CAPN3: variants seen among roughly 807,000 people sequenced by gnomAD.
The protein encoded by CAPN3 is calpain-3.
CAPN3 carries 88 observed loss-of-function variants against 114.0 expected under a neutral mutation model. The observed-to-expected ratio is 0.77, with a 90% CI of 0.65 to 0.92. The LOEUF (loss-of-function observed/expected upper bound fraction) is 0.92, where lower values mean the gene tolerates loss of function less well. CAPN3 is among the 40% of genes least tolerant of loss of function. CAPN3 has a pLI of 0.00. For synonymous variants in CAPN3, 386 were observed against 382.9 expected (o/e 1.01, Z -0.09); for missense variants, 1,028 against 1,069.0 (o/e 0.96, Z 0.53).
chr15:42,408,273 A>G lies in CAPN3; in HGVS notation c.1863A>G (p.Ser621=), dbSNP rs1397788172. ...AGGAGCTGGGTGTGGACCAGGAGTC[A>G]GAGGAGGGCAAAGGCAAAACAAGCC... ...SNKELGVDQE[S]EEGKGKTSPD... Residue 621 remains serine, a synonymous_variant, in exon 16 of 24, where the codon TCA becomes TCG. Coordinates refer to ENST00000397163, the MANE Select transcript of CAPN3 (RefSeq NM_000070.3). 1 of 1,613,808 alleles carries G rather than the reference A, an allele frequency of 6.2e-7. No individual in the cohort carries two copies. The highest frequency in any genetic ancestry group is 8.5e-7 in the Non-Finnish European group (1 of 1,179,854).
intron 2 of CAPN3, chr15:42,385,726 CA>C: frequency 1.9e-6 from 1 of 521,374 alleles, no homozygotes; most frequent in East Asian, 5.4e-5. Context: ...CAATACAAAT[CA>C]TCTTGGTGGA....
chr15:42,389,223 G>A, intron 5 of CAPN3, 127 bp downstream of exon 5: 1 of 870,730 alleles, frequency 1.1e-6, no homozygotes, highest in Middle Eastern at 3.6e-4. Context: ...AGCAGGAACT[G>A]GCTCTCAACT....
intron 10 of CAPN3, 36 bp downstream of exon 10, chr15:42,399,688 C>T (rs752740189): frequency 5.2e-6 from 8 of 1,547,840 alleles, no homozygotes; most frequent in African/African-American, 4.1e-5. Context: ...GGGTCTAAGC[C>T]GAAAAAGTTC....
chr15:42,359,641 A>G lies in CAPN3; in HGVS notation c.-165A>G, dbSNP rs1566965749. On this transcript the variant is annotated 5_prime_UTR_variant, in exon 1 of 24. It adds an upstream start codon to the 5' untranslated region. Transcript: ENST00000397163. ...ACAGCTCGGTTTTTAAGATGGACATAACCTGTACGACCTTCTGATGGGCTT... is the reference window on the plus strand; with the variant it reads ...ACAGCTCGGTTTTTAAGATGGACATGACCTGTACGACCTTCTGATGGGCTT... 4.8e-6 allele frequency: 7 copies of G among 1,470,632 alleles called. No individual in the cohort carries two copies. The highest frequency in any genetic ancestry group is 5.4e-6 in the Non-Finnish European group (6 of 1,117,140). 91.1% of individuals were successfully genotyped at this position (1,470,632 alleles called of 1,614,324 possible).
chr15:42,391,422 T>A (rs998884496), intron 6 of CAPN3, among the ~76,000 whole-genome samples: 2 of 152,138 alleles, frequency 1.3e-5, no homozygotes, highest in Non-Finnish European at 2.9e-5. Context: ...TAAGGATTAA[T>A]GAGTCTCCCG....
chr15:42,398,608 CACACACACACACACACACACACACACAT>C (rs2141190703), intron 9 of CAPN3, among the ~76,000 whole-genome samples: 1 of 148,348 alleles, frequency 6.7e-6, no homozygotes, highest in East Asian at 2.0e-4. Context: ...CACACACACA[CACACACACACACACACACACACACACAT>C]ATATATACAC....
rs2054148514 is a variant in CAPN3 at position 42,409,800 on chromosome 15, G to A, written c.2006G>A (p.Cys669Tyr). 1.9e-6 allele frequency: 3 copies of A among 1,581,270 alleles called. No individual in the cohort carries two copies. Among genetic ancestry groups the A allele is most frequent in the East Asian group, 4.7e-5 (2 of 42,106 alleles). The change falls in exon 18 of 24, where the codon TGT (cysteine) becomes TAT (tyrosine). Residue 669 changes from cysteine to tyrosine, a missense_variant. Coordinates refer to ENST00000397163, the MANE Select transcript of CAPN3 (RefSeq NM_000070.3). ...CTTCCTCCTCAGGACATGGAGATCT[G>A]TGCAGATGAGCTCAAGAAGGTCCTT... is the stretch of plus-strand genomic sequence containing the variant. Reference protein sequence around the residue: ...KQIAGDDMEICADELKKVLNT... With the variant: ...KQIAGDDMEIYADELKKVLNT...
At chr15:42,384,172 G>T (rs1475752586) in intron 1 of CAPN3, among the ~76,000 whole-genome samples, 2 of 152,068 alleles carry the variant, frequency 1.3e-5, no homozygotes, top group African/African-American at 4.8e-5. Context: ...CCAGCACTTT[G>T]GGAGGCCGAG....
chr15:42,407,124 G>A (rs1435265548), intron 15 of CAPN3, among the ~76,000 whole-genome samples: 1 of 152,112 alleles, frequency 6.6e-6, no homozygotes, highest in Non-Finnish European at 1.5e-5. Flanking sequence ...CACAGTGTTG[G>A]CACCATGCAG....
chr15:42,384,154 C>A (rs1162984999), intron 1 of CAPN3, among the ~76,000 whole-genome samples: 1 of 152,128 alleles, frequency 6.6e-6, no homozygotes, highest in African/African-American at 2.4e-5. Flanking sequence ...TGGCTCACAT[C>A]TGTAATCCCA....
chr15:42,364,987 G>A (rs2052741833), intron 1 of CAPN3, among the ~76,000 whole-genome samples: 2 of 152,118 alleles, frequency 1.3e-5, no homozygotes, highest in Admixed American at 6.5e-5. Context: ...TTGGTAACAT[G>A]GGATCCCAGA....
chr15:42,396,952 A>G lies in CAPN3; in HGVS notation c.1193+75A>G, dbSNP rs1595831528. On this transcript the variant is annotated intron_variant, in intron 9 of 23. Transcript: ENST00000397163. ...GGGGAAATCTCAGACCTCAGTCCCC[A>G]GCTAAGGTTATCAGATTCCAGCCCT... 30 of 1,077,980 alleles carry G rather than the reference A, an allele frequency of 2.8e-5. No homozygotes were observed. In the East Asian group the frequency reaches 6.9e-4, roughly 25 times the overall value. The allele number at this position is 1,077,980 out of a possible 1,614,324, so 66.8% of individuals were successfully genotyped here.
At position 42,401,691 on chromosome 15, in the gene CAPN3, G is replaced by A. The variant is rs1272589475; in HGVS notation, c.1405G>A (p.Asp469Asn). The change falls in exon 11 of 24, where the codon GAT becomes AAT. Residue 469 changes from aspartate (D) to asparagine (N), a missense_variant. Transcript: ENST00000397163. ...QYRLKLLEEDDDPDDSEVICS... is the reference protein window; with the variant it reads ...QYRLKLLEEDNDPDDSEVICS... ...CCGTCTGAAGCTCCTGGAGGAGGAC[G>A]ATGACCCTGATGACTCGGAGGTGAT... 14 of 1,614,080 alleles carry A rather than the reference G, an allele frequency of 8.7e-6. No individual in the cohort carries two copies. Among genetic ancestry groups the A allele is most frequent in the Middle Eastern group, 1.6e-4 (1 of 6,084 alleles).
At chr15:42,360,189 C>A (rs1398415269) in intron 1 of CAPN3, 75 bp downstream of exon 1, 6 of 1,521,904 alleles carry the variant, frequency 3.9e-6, no homozygotes, top group Non-Finnish European at 5.5e-6. Context: ...TCCGGCAGCT[C>A]AGCTGTGCAC....
At chr15:42,410,698 G>A (rs762638645) in intron 21 of CAPN3, 32 bp downstream of exon 21, 5 of 1,578,986 alleles carry the variant, frequency 3.2e-6, no homozygotes, top group Non-Finnish European at 4.4e-6. Flanking sequence ...CAGGGATGTG[G>A]ACCCGAGACG....
chr15:42,381,372 T>C (rs1211529245), intron 1 of CAPN3, among the ~76,000 whole-genome samples: 2 of 152,156 alleles, frequency 1.3e-5, no homozygotes, highest in African/African-American at 4.8e-5. Flanking sequence ...ATAACAATAT[T>C]AATAATATCA....
At chr15:42,396,759 C>T in intron 8 of CAPN3, 41 bp from the exon 9 acceptor site, 1 of 1,505,418 alleles carries the variant, frequency 6.6e-7, no homozygotes. Context: ...ATCAGGCCTT[C>T]CCTTCTTCCT....
At chr15:42,377,595 C>T (rs2053123089) in intron 1 of CAPN3, among the ~76,000 whole-genome samples, 2 of 152,118 alleles carry the variant, frequency 1.3e-5, no homozygotes, top group African/African-American at 4.8e-5. Context: ...GATTTTGCTT[C>T]TATGTTCATA....
intron 1 of CAPN3, among the ~76,000 whole-genome samples, chr15:42,361,805 G>A (rs866421399): frequency 1.3e-5 from 2 of 152,198 alleles, no homozygotes; most frequent in Non-Finnish European, 1.5e-5. Flanking sequence ...AGCAGTGCTT[G>A]GACATTTAGC....
Sources: allele counts gnomAD v4.1 joint callset (sites outside exome capture counted in the v4.1 genomes callset), GRCh38; gene constraint gnomAD v4.1.1; transcripts MANE v1.5; gene names NCBI Gene and HGNC (gene_info 2026-07-23, HGNC 2026-07-21).